Variants in ANLN observed in about 807,000 individuals in gnomAD.
ANLN encodes anillin.
ANLN carries 59 observed loss-of-function variants against 135.1 expected under a neutral mutation model. That is an observed-to-expected ratio of 0.44 (90% CI 0.35 to 0.54). The LOEUF (loss-of-function observed/expected upper bound fraction) is 0.54. Among genes scored for constraint, ANLN ranks in the 20% least tolerant of loss-of-function variants. The pLI is 0.00. For missense variants in ANLN, 1,182 were observed against 1,340.0 expected, an observed-to-expected ratio of 0.88 and a Z score of 1.84; for synonymous variants, 406 against 456.4, an observed-to-expected ratio of 0.89 and a Z score of 1.41.
At chr7:36,426,241 T>C (rs1452560697) in intron 19 of ANLN, among the ~76,000 whole-genome samples, 2 of 152,198 alleles carry the variant, frequency 1.3e-5, no homozygotes, top group East Asian at 1.9e-4. Context: ...GGTACCACCA[T>C]AGAGGCACCA....
At chr7:36,433,442 A>T (rs73106350) in intron 20 of ANLN, among the ~76,000 whole-genome samples, 20,337 of 151,946 alleles carry the variant, frequency 0.13, 1,767 homozygotes, top group Admixed American at 0.23. Flanking sequence ...ATAAGAAGTC[A>T]GCCAGCCATC....
intron 8 of ANLN, among the ~76,000 whole-genome samples, chr7:36,416,500 T>A (rs1787648291): frequency 6.6e-6 from 1 of 152,248 alleles, no homozygotes; most frequent in African/African-American, 2.4e-5. Context: ...GGAAAAGCTT[T>A]TAATCCTTCA....
rs533413145 is a variant in ANLN at position 36,399,066 on chromosome 7, G to C, written c.173-13G>C. 6.4e-7 allele frequency: 1 copy of C among 1,571,304 alleles called. No homozygotes were observed. The highest frequency in any genetic ancestry group is 2.3e-5 in the East Asian group (1 of 44,190). ...ACAAATTTGAATGTCTTTTTTCATC[G>C]TTTTTAATGTAGAGAAATCTTGTAC... On this transcript the variant is annotated splice_polypyrimidine_tract_variant and intron_variant, in intron 2 of 23. Coordinates refer to ENST00000265748, the MANE Select transcript of ANLN (RefSeq NM_018685.5).
At chr7:36,408,045 A>G in intron 5 of ANLN, 89 bp downstream of exon 5, 1 of 1,056,098 alleles carries the variant, frequency 9.5e-7, no homozygotes, top group Non-Finnish European at 1.4e-6. Context: ...TGAATGGTAC[A>G]GCAATGATTT....
Position 36,422,801 on chromosome 7 carries a change from A to G in ANLN, c.2468A>G (p.Gln823Arg), listed in dbSNP as rs138645117. 42 of 1,599,676 alleles carry G rather than the reference A, an allele frequency of 2.6e-5. No individual in the cohort carries two copies. In the African/African-American group the frequency reaches 4.5e-4, roughly 17 times the overall value. Reference protein sequence around the residue: ...LKADFVCSTVQKPDAANYYYL... With the variant: ...LKADFVCSTVRKPDAANYYYL... ...GCAGATTTTGTCTGCAGTACGGTTC[A>G]GAAACCAGGTATGGTGGTGATTTTT... The change falls in exon 14 of 24, where the codon CAG becomes CGG. Residue 823 changes from glutamine (Q) to arginine (R), a missense_variant. This residue lies in a region of ANLN where 1,022 missense variants were observed against 1,134.0 expected (regional missense o/e 0.90). Transcript: ENST00000265748.
chr7:36,418,310 G>A (rs973333013), intron 9 of ANLN, among the ~76,000 whole-genome samples: 2 of 152,166 alleles, frequency 1.3e-5, no homozygotes, highest in African/African-American at 4.8e-5. Flanking sequence ...TGTGGGGGTC[G>A]TCTTAAGAAC....
At chr7:36,444,432 G>T (rs1289509156) in intron 22 of ANLN, among the ~76,000 whole-genome samples, 4 of 151,656 alleles carry the variant, frequency 2.6e-5, no homozygotes, top group African/African-American at 4.9e-5. Context: ...CTTTTCTACT[G>T]GATGTTTAAT....
In ANLN at chr7:36,391,436, GA is replaced by G. The variant is rs1786457454; in HGVS notation, c.18+1395del. Among the ~76,000 whole-genome samples, 5 of 152,284 alleles carry G rather than the reference GA, an allele frequency of 3.3e-5. No individual in the cohort carries two copies. The Middle Eastern group carries it at 0.01, about 313-fold the overall frequency. On this transcript the variant is annotated intron_variant, in intron 1 of 23. Coordinates refer to ENST00000265748, the MANE Select transcript of ANLN (RefSeq NM_018685.5). ...TCTGAAGGTAGTACAAATCTCAACT[GA>G]AAGAAACTTTACCTGTTTAGATCGT...
At chr7:36,411,012 A>T in intron 6 of ANLN, 47 bp from the exon 7 acceptor site, 1 of 1,513,864 alleles carries the variant, frequency 6.6e-7, no homozygotes, top group Non-Finnish European at 8.9e-7. Context: ...TTGGATGTTA[A>T]ACATGCTACC....
chr7:36,434,309 A>G (rs1293304091), intron 20 of ANLN, among the ~76,000 whole-genome samples: 2 of 152,186 alleles, frequency 1.3e-5, no homozygotes, highest in Non-Finnish European at 2.9e-5. Flanking sequence ...CTGCACGTCT[A>G]CAAGATTTCT....
At chr7:36,439,886 CT>C (rs1788695922) in intron 21 of ANLN, among the ~76,000 whole-genome samples, 2 of 152,036 alleles carry the variant, frequency 1.3e-5, no homozygotes. Context: ...GTTCAAGGGC[CT>C]TTTAAAGAAT....
At chr7:36,436,926 G>C (rs759961590) in intron 20 of ANLN, among the ~76,000 whole-genome samples, 8 of 152,076 alleles carry the variant, frequency 5.3e-5, no homozygotes, top group Non-Finnish European at 1.2e-4. Context: ...CCATTCCATA[G>C]ACTGTCTTTT....
At chr7:36,452,169 G>GT (rs1789270977) in intron 23 of ANLN, among the ~76,000 whole-genome samples, 1 of 152,186 alleles carries the variant, frequency 6.6e-6, no homozygotes, top group Non-Finnish European at 1.5e-5. Flanking sequence ...CCCACACTCA[G>GT]TGGGTGTCCT....
Position 36,399,312 on chromosome 7 carries a change from G to C in ANLN, c.406G>C (p.Ala136Pro). ...GAGAGGGCTGAACTCAAGATTGGAA[G>C]CAACTGCAGCCTCCTCAGTTAAAAC... ...MRRGLNSRLE[A>P]TAASSVKTRM... is the part of the protein sequence containing the mutation. Residue 136 changes from alanine to proline, a missense_variant, in exon 3 of 24, where the codon GCA becomes CCA. Ala to Pro is a conservative substitution (Grantham distance 27). Transcript: ENST00000265748. The C allele has an allele frequency of 6.2e-7, 1 of 1,614,100 alleles. No individual in the cohort carries two copies. Among genetic ancestry groups the C allele is most frequent in the Non-Finnish European group, 8.5e-7 (1 of 1,180,030 alleles).
At chr7:36,419,142 T>A (rs1787767414) in intron 9 of ANLN, 102 bp from the exon 10 acceptor site, 1 of 773,642 alleles carries the variant, frequency 1.3e-6, no homozygotes, top group African/African-American at 1.8e-5. Context: ...TTTAAGGCAT[T>A]TTTTCCTATT....
At chr7:36,429,251 C>T (rs1158261214) in intron 20 of ANLN, among the ~76,000 whole-genome samples, 1 of 149,620 alleles carries the variant, frequency 6.7e-6, no homozygotes, top group Non-Finnish European at 1.5e-5. Flanking sequence ...GATAGAGTCT[C>T]ACTCTGTCAC....
chr7:36,398,799 T>C (rs944713218), intron 2 of ANLN, among the ~76,000 whole-genome samples: 7 of 149,228 alleles, frequency 4.7e-5, no homozygotes, highest in African/African-American at 1.7e-4. Context: ...CCAGAGTCCA[T>C]TGCATCCTTC....
At chr7:36,420,373 G>A in intron 11 of ANLN, 59 bp downstream of exon 11, 1 of 1,562,980 alleles carries the variant, frequency 6.4e-7, no homozygotes, top group South Asian at 1.2e-5. Flanking sequence ...ATTGACATAA[G>A]TCGTGTTATA....
chr7:36,425,066 T>A (rs1478214569), intron 17 of ANLN, among the ~76,000 whole-genome samples: 1 of 152,156 alleles, frequency 6.6e-6, no homozygotes, highest in Non-Finnish European at 1.5e-5. Flanking sequence ...ATACCAGTAC[T>A]TAATAATTAT....
Sources: gnomAD v4.1 joint callset for allele counts (sites outside exome capture counted in the v4.1 genomes callset) on GRCh38, gnomAD v4.1.1 for gene constraint, gnomAD v4.1.1 regional missense constraint, MANE v1.5 for transcripts, NCBI Gene and HGNC (gene_info 2026-07-23, HGNC 2026-07-21) for gene names.